Variants in EIF4E2 observed in about 807,000 individuals in gnomAD.
EIF4E2 encodes the protein eukaryotic translation initiation factor 4E type 2.
Under a neutral mutation model 34.2 loss-of-function variants are expected in EIF4E2, and 13 were observed. The observed-to-expected ratio is 0.38, with a 90% confidence interval of 0.25 to 0.60. The LOEUF is 0.60. Ranked by LOEUF, EIF4E2 falls within the 20% of genes least tolerant of loss-of-function variation. The pLI is 0.62. For missense variants in EIF4E2, 222 were observed against 315.1 expected (o/e 0.70, Z 2.24); for synonymous variants, 100 against 106.6 (o/e 0.94, Z 0.38).
chr2:232,560,445 C>CTTA (rs1164869858), intron 3 of EIF4E2, among the ~76,000 whole-genome samples: 1 of 152,156 alleles, frequency 6.6e-6, no homozygotes, highest in African/African-American at 2.4e-5. Context: ...TAGGCAAAGC[C>CTTA]TTCTTAAGTA....
At chr2:232,551,125 C>T (rs1692297793) in intron 1 of EIF4E2, 2 of 570,498 alleles carry the variant, frequency 3.5e-6, no homozygotes, top group African/African-American at 1.9e-5. Flanking sequence ...CAGCTTTCCC[C>T]ACACACTCCC....
chr2:232,555,605 T>C (rs1446549596), intron 1 of EIF4E2, among the ~76,000 whole-genome samples: 1 of 152,184 alleles, frequency 6.6e-6, no homozygotes, highest in Non-Finnish European at 1.5e-5. Context: ...CCCTGGGTGC[T>C]GGAGATACCG....
At position 232,566,723 on chromosome 2, in the gene EIF4E2, GAT is replaced by G; in HGVS notation, c.376-103_376-102del. 7.9e-7 allele frequency: 1 copy of G among 1,272,822 alleles called. No individual in the cohort carries two copies. Among genetic ancestry groups the G allele is most frequent in the African/African-American group, 1.5e-5 (1 of 67,202 alleles). The allele number at this position is 1,272,822 out of a possible 1,614,324, so 78.8% of individuals were successfully genotyped here. A position where few individuals can be genotyped will look rare whatever the true frequency, so the allele number is the denominator to read the frequency against. The stretch of plus-strand genomic sequence containing the variant: ...CTATAGAGTTGAATAATTGGAAAGT[GAT>G]ATGACTTCTTAGTGTTTAAGAGATT... On this transcript the variant is annotated intron_variant, in intron 4 of 6. Transcript: ENST00000258416. This position sits in a 1 kb window ranked among gnomAD's most constrained non-coding sequence, Gnocchi z 4.9.
At chr2:232,551,241 C>T (rs1285845694) in intron 1 of EIF4E2, 2 of 474,168 alleles carry the variant, frequency 4.2e-6, no homozygotes, top group Non-Finnish European at 8.7e-6. Flanking sequence ...CTGCCCTCGA[C>T]GCGGTGGAAG....
chr2:232,556,646 T>C (rs987532057), intron 2 of EIF4E2, 116 bp downstream of exon 2: 4 of 741,490 alleles, frequency 5.4e-6, no homozygotes, highest in African/African-American at 1.8e-5. Flanking sequence ...TGTTGGAATA[T>C]CTGACTTTGT....
In EIF4E2 at chr2:232,550,739, C is replaced by T. The variant is rs775201751; in HGVS notation, c.15C>T (p.Phe5=). 3.2e-6 allele frequency: 5 copies of T among 1,584,982 alleles called. No homozygotes were observed. The highest frequency in any genetic ancestry group is 3.4e-6 in the Non-Finnish European group (4 of 1,167,478). MNNK[F]DALKDDDSGD... is the part of the protein sequence containing the mutation. ...GCGGCGAGAGGATGAACAACAAGTT[C>T]GACGCGTGAGTGGCTCGTGGCCGCC... Residue 5 remains phenylalanine, a synonymous_variant, in exon 1 of 7, where the codon TTC becomes TTT. Coordinates refer to ENST00000258416, the MANE Select transcript of EIF4E2 (RefSeq NM_004846.4).
intron 3 of EIF4E2, among the ~76,000 whole-genome samples, chr2:232,562,016 A>G (rs752749219): frequency 5.3e-4 from 81 of 152,012 alleles, no homozygotes; most frequent in Non-Finnish European, 1.0e-3. Flanking sequence ...GGACTTCAAG[A>G]CCAGCCTGGC....
exon 7 of EIF4E2, chr2:232,582,703 T>C (rs1693387478): frequency 6.6e-6 from 1 of 152,254 alleles, no homozygotes; most frequent in Non-Finnish European, 1.5e-5. Flanking sequence ...GGCATCTACC[T>C]GACTGTTGTG....
Position 232,555,806 on chromosome 2 carries a change from T to C in EIF4E2, c.21-610T>C, listed in dbSNP as rs534477963. Reference sequence around the variant, plus strand: ...GAGGATCTTACATTTTGCTGTACTTTATCTTAGAGGGTAGGCATCAAAAAG... The same window carrying C: ...GAGGATCTTACATTTTGCTGTACTTCATCTTAGAGGGTAGGCATCAAAAAG... On this transcript the variant is annotated intron_variant, in intron 1 of 6. Transcript: ENST00000258416. 4.1e-4 allele frequency among the ~76,000 whole-genome samples: 62 copies of C among 152,334 alleles called. 1 individual carries two copies. The highest frequency in any genetic ancestry group is 1.4e-3 in the African/African-American group (59 of 41,580).
At chr2:232,561,167 C>A (rs2077975) in intron 3 of EIF4E2, among the ~76,000 whole-genome samples, 46,244 of 151,802 alleles carry the variant, frequency 0.3, 7,524 homozygotes, top group Admixed American at 0.41. Flanking sequence ...GGCCTGGTAG[C>A]TCATGCCTGT....
At chr2:232,563,850 G>A (rs1479997295) in intron 3 of EIF4E2, among the ~76,000 whole-genome samples, 1 of 152,210 alleles carries the variant, frequency 6.6e-6, no homozygotes, top group Non-Finnish European at 1.5e-5. Context: ...GGCTGAGGCT[G>A]TGTGACACTT....
chr2:232,550,879 C>T, intron 1 of EIF4E2, 135 bp downstream of exon 1: 1 of 922,420 alleles, frequency 1.1e-6, no homozygotes. Flanking sequence ...CGGACCTGGC[C>T]TGGACTGGCG....
At chr2:232,574,896 C>T (rs1693173006) in intron 6 of EIF4E2, among the ~76,000 whole-genome samples, 1 of 152,198 alleles carries the variant, frequency 6.6e-6, no homozygotes, top group Non-Finnish European at 1.5e-5. Flanking sequence ...CACAACTGTA[C>T]TAGTAGGGAG....
chr2:232,552,480 G>C (rs562108259), intron 1 of EIF4E2, among the ~76,000 whole-genome samples: 1 of 152,154 alleles, frequency 6.6e-6, no homozygotes, highest in Non-Finnish European at 1.5e-5. Flanking sequence ...AAAGTGCTGG[G>C]ATTACAGGCA....
intron 2 of EIF4E2, among the ~76,000 whole-genome samples, chr2:232,557,176 C>G (rs1559313723): frequency 6.6e-6 from 1 of 152,196 alleles, no homozygotes; most frequent in Non-Finnish European, 1.5e-5. Context: ...ACCCAGGAGG[C>G]AGAGGTTGCA....
chr2:232,578,180 T>C (rs538386170), intron 6 of EIF4E2, among the ~76,000 whole-genome samples: 3 of 152,348 alleles, frequency 2.0e-5, no homozygotes, highest in South Asian at 2.1e-4. Context: ...CCATTTGCTG[T>C]TCTGTTTTCC....
At chr2:232,567,377 C>T in intron 6 of EIF4E2, 163 bp downstream of exon 6, 2 of 1,431,882 alleles carry the variant, frequency 1.4e-6, no homozygotes, top group Non-Finnish European at 1.8e-6. Context: ...AGTTCTTTGT[C>T]AGCGAGGCTC....
chr2:232,577,634 G>C (rs984089664), intron 6 of EIF4E2, among the ~76,000 whole-genome samples: 1 of 152,216 alleles, frequency 6.6e-6, no homozygotes, highest in Admixed American at 6.5e-5. Flanking sequence ...TTTTCCCCAA[G>C]ATACCTGGGA....
At chr2:232,551,268 T>C (rs11899983) in intron 1 of EIF4E2, 270,387 of 471,858 alleles carry the variant, frequency 0.57, 78,362 homozygotes, top group Admixed American at 0.68. Context: ...TTAGGAATTA[T>C]CTTCCTGAGA....
Sources: gnomAD v4.1 joint callset for allele counts (sites outside exome capture counted in the v4.1 genomes callset) on GRCh38, gnomAD v4.1.1 for gene constraint, Gnocchi (gnomAD v3.1) non-coding constraint, MANE v1.5 for transcripts, NCBI Gene and HGNC (gene_info 2026-07-23, HGNC 2026-07-21) for gene names.